KHDC1: variants seen among roughly 807,000 people sequenced by gnomAD.
KHDC1 encodes KH domain containing 1.
KHDC1 carries 21 observed loss-of-function variants against 24.7 expected under a neutral mutation model. That is an observed-to-expected ratio of 0.85 (90% CI 0.60 to 1.23). The LOEUF (loss-of-function observed/expected upper bound fraction) is 1.23, where lower values mean the gene tolerates loss of function less well. Ranked by LOEUF, KHDC1 falls within the 50% of genes most tolerant of loss-of-function variation. The pLI is 0.00. For synonymous variants in KHDC1, 98 were observed against 111.7 expected (o/e 0.88, Z 0.77); for missense variants, 274 against 298.5 (o/e 0.92, Z 0.61).
intron 1 of KHDC1, among the ~76,000 whole-genome samples, chr6:73,297,567 G>C (rs756551710): frequency 2.0e-5 from 3 of 152,044 alleles, no homozygotes; most frequent in Non-Finnish European, 2.9e-5. Flanking sequence ...CTTTCCAATT[G>C]ATAAGGTATT....
intron 2 of KHDC1, among the ~76,000 whole-genome samples, chr6:73,248,275 G>C (rs1766707886): frequency 1.3e-5 from 2 of 152,136 alleles, no homozygotes; most frequent in African/African-American, 4.8e-5. Context: ...CTGAGATTGA[G>C]AGCGTGGAGC....
intron 2 of KHDC1, among the ~76,000 whole-genome samples, chr6:73,244,828 G>A (rs1019659076): frequency 5.4e-4 from 82 of 152,266 alleles, no homozygotes; most frequent in African/African-American, 1.8e-3. Flanking sequence ...AGCTATTCGG[G>A]AGGCTGAGGT....
At chr6:73,309,134 A>G (rs1768030960) in intron 1 of KHDC1, among the ~76,000 whole-genome samples, 1 of 152,208 alleles carries the variant, frequency 6.6e-6, no homozygotes, top group African/African-American at 2.4e-5. Flanking sequence ...TGCATTTTTA[A>G]GGAGTTCTCA....
chr6:73,278,012 T>G (rs1249724913), intron 2 of KHDC1, among the ~76,000 whole-genome samples: 3 of 138,632 alleles, frequency 2.2e-5, no homozygotes, highest in African/African-American at 5.4e-5. Context: ...CTCGGGTGTT[T>G]TTTTTTTTTT....
chr6:73,266,026 T>C (rs1554225557), intron 2 of KHDC1, among the ~76,000 whole-genome samples: 1 of 152,156 alleles, frequency 6.6e-6, no homozygotes, highest in Non-Finnish European at 1.5e-5. Context: ...TTAGTATCCA[T>C]ACAAAAAGCA....
intron 2 of KHDC1, among the ~76,000 whole-genome samples, chr6:73,255,064 C>G (rs1270627445): frequency 6.6e-6 from 1 of 151,088 alleles, no homozygotes; most frequent in Non-Finnish European, 1.5e-5. Context: ...AGCTGACAGA[C>G]AGGACTTGGA....
Position 73,307,400 on chromosome 6 carries a change from G to A in KHDC1, c.163+2152C>T, listed in dbSNP as rs186192858. On this transcript the variant is annotated intron_variant, in intron 1 of 4. Transcript: ENST00000370384. The stretch of plus-strand genomic sequence containing the variant: ...AGATCAGGCCACTGCACTCCAGCCT[G>A]GCGACAGAGCGAGACCCTGTCTCAC... Among the ~76,000 whole-genome samples, 204 of 152,208 alleles carry A rather than the reference G, an allele frequency of 1.3e-3. 1 individual carries two copies. Among genetic ancestry groups the A allele is most frequent in the Admixed American group, 2.3e-3 (35 of 15,264 alleles).
chr6:73,242,622 C>A, intron 2 of KHDC1, 92 bp from the exon 2 acceptor site: 7 of 1,525,772 alleles, frequency 4.6e-6, no homozygotes, highest in Non-Finnish European at 6.2e-6. Flanking sequence ...AACATAGGAA[C>A]CCAACAACCT....
At chr6:73,304,554 G>T (rs1247503668) in intron 1 of KHDC1, among the ~76,000 whole-genome samples, 1 of 152,054 alleles carries the variant, frequency 6.6e-6, no homozygotes, top group Non-Finnish European at 1.5e-5. Flanking sequence ...CTCCCACCTT[G>T]GTCTCCCAAA....
At chr6:73,285,255 T>C (rs1465792735) in intron 2 of KHDC1, among the ~76,000 whole-genome samples, 2 of 152,208 alleles carry the variant, frequency 1.3e-5, no homozygotes, top group African/African-American at 2.4e-5. Flanking sequence ...TGGCAAAAAT[T>C]CCACCAGTCC....
At position 73,241,745 on chromosome 6, in the gene KHDC1, C is replaced by T; in HGVS notation, c.515-17G>A. ...TCTCCAGGCCTGCAAAATAAGTGCCCAGGGCTAATGAACCAGGGCCCATAA... is the reference window on the plus strand; with the variant it reads ...TCTCCAGGCCTGCAAAATAAGTGCCTAGGGCTAATGAACCAGGGCCCATAA... On this transcript the variant is annotated splice_polypyrimidine_tract_variant and intron_variant, in intron 4 of 4. Transcript: ENST00000370384. 1.2e-6 allele frequency: 2 copies of T among 1,613,796 alleles called. No homozygotes were observed. The highest frequency in any genetic ancestry group is 1.7e-4 in the Middle Eastern group (1 of 6,022).
intron 2 of KHDC1, among the ~76,000 whole-genome samples, chr6:73,245,453 T>C (rs1766649139): frequency 6.6e-6 from 1 of 152,230 alleles, no homozygotes. Context: ...AAATGAATCC[T>C]TTGTAGTATT....
chr6:73,265,087 A>G (rs1260387341), intron 2 of KHDC1, among the ~76,000 whole-genome samples: 2 of 152,160 alleles, frequency 1.3e-5, no homozygotes, highest in African/African-American at 4.8e-5. Context: ...GTCACAGAAC[A>G]AATTTCTAAG....
intron 2 of KHDC1, chr6:73,291,991 C>T (rs1305054582): frequency 6.2e-7 from 1 of 1,613,904 alleles, no homozygotes; most frequent in South Asian, 1.1e-5. Context: ...CTACTCGCAT[C>T]ACGCACCTTT....
intron 2 of KHDC1, chr6:73,275,710 C>T (rs1286460310): frequency 6.0e-6 from 1 of 165,622 alleles, no homozygotes; most frequent in East Asian, 1.9e-4. Context: ...CCTCTCCCCC[C>T]AATCCCCTCC....
chr6:73,265,528 CAAAAAAAAAAAAA>C (rs70994179), intron 2 of KHDC1, among the ~76,000 whole-genome samples: 14 of 74,504 alleles, frequency 1.9e-4, no homozygotes, highest in African/African-American at 7.2e-4. Flanking sequence ...GACTCCGTCT[CAAAAAAAAAAAAA>C]AAAAAAAAAA....
At chr6:73,275,372 C>G (rs1180890003) in intron 2 of KHDC1, 2 of 164,980 alleles carry the variant, frequency 1.2e-5, no homozygotes, top group Non-Finnish European at 2.9e-5. Flanking sequence ...AACAAAAAAA[C>G]AAAAACAGAT....
chr6:73,272,952 A>G (rs1462387396), intron 2 of KHDC1, among the ~76,000 whole-genome samples: 1 of 133,420 alleles, frequency 7.5e-6, no homozygotes, highest in Non-Finnish European at 1.6e-5. Context: ...TCCACCTCCC[A>G]GGTTCAAGTG....
intron 2 of KHDC1, among the ~76,000 whole-genome samples, chr6:73,257,011 A>C (rs1766890240): frequency 6.6e-6 from 1 of 152,134 alleles, no homozygotes; most frequent in Non-Finnish European, 1.5e-5. Flanking sequence ...AGGCATGGCC[A>C]GTGGGGCACG....
Sources: allele counts gnomAD v4.1 joint callset (sites outside exome capture counted in the v4.1 genomes callset), GRCh38; gene constraint gnomAD v4.1.1; transcripts MANE v1.5; gene names NCBI Gene and HGNC (gene_info 2026-07-23, HGNC 2026-07-21).